The following CCDC60 variants were observed in gnomAD, a reference collection of about 807,000 sequenced individuals.
The protein encoded by CCDC60 is coiled-coil domain containing 60, also known as coiled-coil domain-containing protein 60.
A neutral mutation model predicts 63.5 loss-of-function variants in CCDC60; 54 were observed. The ratio of observed to expected loss-of-function variants is 0.85; its 90% CI spans 0.68 to 1.07. The LOEUF (loss-of-function observed/expected upper bound fraction) is 1.07, where lower values mean the gene tolerates loss of function less well. Among genes scored for constraint, CCDC60 ranks in the 50% least tolerant of loss-of-function variants. The probability of loss-of-function intolerance (pLI) is 0.00; values close to 1 mark genes in which losing one functional copy is unlikely to be tolerated. For synonymous variants in CCDC60, 206 were observed against 238.8 expected, an observed-to-expected ratio of 0.86 and a Z score of 1.27; for missense variants, 651 against 684.3, an observed-to-expected ratio of 0.95 and a Z score of 0.54.
chr12:119,458,502 G>T (rs917356927), intron 2 of CCDC60, among the ~76,000 whole-genome samples: 1 of 152,018 alleles, frequency 6.6e-6, no homozygotes. Flanking sequence ...TTAATCCCAT[G>T]CCCCCCATAA....
chr12:119,404,052 CCG>C (rs1956441371), intron 1 of CCDC60, among the ~76,000 whole-genome samples: 1 of 152,258 alleles, frequency 6.6e-6, no homozygotes, highest in East Asian at 1.9e-4. Flanking sequence ...CTTTTGGAGG[CCG>C]AGGTGGGCAG....
At chr12:119,488,532 A>T (rs751050982) in intron 4 of CCDC60, among the ~76,000 whole-genome samples, 4 of 152,164 alleles carry the variant, frequency 2.6e-5, no homozygotes, top group Non-Finnish European at 5.9e-5. Flanking sequence ...AACTTCCTAA[A>T]GTCCTGTGAG....
At chr12:119,445,407 C>A (rs1021806000) in intron 2 of CCDC60, among the ~76,000 whole-genome samples, 9 of 128,120 alleles carry the variant, frequency 7.0e-5, no homozygotes, top group African/African-American at 2.8e-4. Context: ...GCACTCCAGC[C>A]TGAGTGACAG....
intron 1 of CCDC60, among the ~76,000 whole-genome samples, chr12:119,386,483 AG>A (rs1565979490): frequency 1.4e-5 from 2 of 144,456 alleles, no homozygotes; most frequent in African/African-American, 5.1e-5. Context: ...CTTGCTGACC[AG>A]GGTAATTCCA....
chr12:119,381,841 A>C (rs1956010436), intron 1 of CCDC60, among the ~76,000 whole-genome samples: 1 of 152,248 alleles, frequency 6.6e-6, no homozygotes, highest in African/African-American at 2.4e-5. Context: ...TCAGACCCTA[A>C]GATCTACAAT....
At chr12:119,404,405 TATC>T (rs1199121733) in intron 1 of CCDC60, among the ~76,000 whole-genome samples, 2 of 152,208 alleles carry the variant, frequency 1.3e-5, no homozygotes, top group Non-Finnish European at 2.9e-5. Flanking sequence ...CATCATATGA[TATC>T]ATAACTGCTT....
At chr12:119,348,497 C>T (rs1387649466) in intron 1 of CCDC60, among the ~76,000 whole-genome samples, 2 of 152,184 alleles carry the variant, frequency 1.3e-5, no homozygotes, top group Non-Finnish European at 2.9e-5. Context: ...ATCTGGGTCA[C>T]GGGCTCATTC....
chr12:119,454,787 A>G, intron 2 of CCDC60, among the ~76,000 whole-genome samples: 1 of 152,188 alleles, frequency 6.6e-6, no homozygotes, highest in East Asian at 1.9e-4. Flanking sequence ...TACCTCCCTC[A>G]CATAAAAAGG....
At chr12:119,538,454 C>G (rs1015061441) in intron 13 of CCDC60, among the ~76,000 whole-genome samples, 2 of 152,210 alleles carry the variant, frequency 1.3e-5, no homozygotes, top group Admixed American at 1.3e-4. Context: ...TGAGATGAAC[C>G]AGGTACCTCA....
chr12:119,397,186 T>C (rs1012020635), intron 1 of CCDC60, among the ~76,000 whole-genome samples: 2 of 152,140 alleles, frequency 1.3e-5, no homozygotes, highest in Non-Finnish European at 2.9e-5. Flanking sequence ...CTCATAAAGG[T>C]GTTGCAAACC....
intron 1 of CCDC60, among the ~76,000 whole-genome samples, chr12:119,368,980 G>C (rs1346315891): frequency 6.6e-6 from 1 of 152,158 alleles, no homozygotes; most frequent in Non-Finnish European, 1.5e-5. Flanking sequence ...GGAATGGGTG[G>C]GGACAGACAA....
chr12:119,392,987 A>G (rs1369248627), intron 1 of CCDC60, among the ~76,000 whole-genome samples: 1 of 152,120 alleles, frequency 6.6e-6, no homozygotes, highest in Non-Finnish European at 1.5e-5. Context: ...AGAATCCATC[A>G]CTACAAAAAT....
At chr12:119,406,416 T>C (rs1433156145) in intron 1 of CCDC60, among the ~76,000 whole-genome samples, 9 of 152,194 alleles carry the variant, frequency 5.9e-5, no homozygotes, top group African/African-American at 2.2e-4. Flanking sequence ...AGTTGAAAAA[T>C]CAACACATAT....
chr12:119,485,533 T>G (rs561589923), intron 4 of CCDC60, among the ~76,000 whole-genome samples: 1 of 152,284 alleles, frequency 6.6e-6, no homozygotes, highest in South Asian at 2.1e-4. Context: ...CTCCCAACCC[T>G]CTCGAGGTTG....
intron 4 of CCDC60, among the ~76,000 whole-genome samples, chr12:119,482,184 A>G (rs144695148): frequency 6.6e-6 from 1 of 151,032 alleles, no homozygotes; most frequent in African/African-American, 2.4e-5. Flanking sequence ...ACACATATAT[A>G]TATGCCACAG....
intron 2 of CCDC60, among the ~76,000 whole-genome samples, chr12:119,452,430 G>C (rs139220170): frequency 6.1e-4 from 93 of 152,280 alleles, no homozygotes; most frequent in African/African-American, 2.2e-3. Flanking sequence ...GGCTGAGCGA[G>C]ACAGGCTTAG....
At chr12:119,438,714 A>T (rs1338575963) in intron 2 of CCDC60, among the ~76,000 whole-genome samples, 1 of 152,150 alleles carries the variant, frequency 6.6e-6, no homozygotes, top group African/African-American at 2.4e-5. Flanking sequence ...AGTATCTGAA[A>T]ATATTCATGG....
rs143754310 is a variant in CCDC60, at chr12:119,505,203, G to A, written c.783G>A (p.Ser261=). 482 of 1,614,040 alleles carry A rather than the reference G, an allele frequency of 3.0e-4. 3 individuals are homozygous for A. In the African/African-American group the frequency reaches 5.1e-3, roughly 17 times the overall value. Residue 261 remains serine (S), a synonymous_variant, in exon 7 of 14, where the codon TCG becomes TCA. Coordinates refer to ENST00000327554, the MANE Select transcript of CCDC60 (RefSeq NM_178499.5). The stretch of plus-strand genomic sequence containing the variant: ...GCATGATCTCTGTGAACCCTGGCTC[G>A]GATGAGCCCCCAAGTGTGAACACCC... ...QSSMISVNPG[S]DEPPSVNTQV...
chr12:119,455,083 G>A (rs1351878543), intron 2 of CCDC60, among the ~76,000 whole-genome samples: 2 of 152,126 alleles, frequency 1.3e-5, no homozygotes, highest in African/African-American at 4.8e-5. Flanking sequence ...AGCCTATCGG[G>A]AAAGGCAGCT....
Sources: gnomAD v4.1 joint callset for allele counts (sites outside exome capture counted in the v4.1 genomes callset) on GRCh38, gnomAD v4.1.1 for gene constraint, MANE v1.5 for transcripts, NCBI Gene and HGNC (gene_info 2026-07-23, HGNC 2026-07-21) for gene names.